ANKRD44: variants seen among roughly 807,000 people sequenced by gnomAD.
ANKRD44 encodes the protein serine/threonine-protein phosphatase 6 regulatory ankyrin repeat subunit B.
Under a neutral mutation model 116.0 loss-of-function variants are expected in ANKRD44, and 35 were observed. That is an observed-to-expected ratio of 0.30 (90% CI 0.23 to 0.40). The LOEUF (loss-of-function observed/expected upper bound fraction) is 0.40. Among genes scored for constraint, ANKRD44 ranks in the 10% least tolerant of loss-of-function variants. ANKRD44 has a pLI of 1.00. For missense variants in ANKRD44, 1,014 were observed against 1,242.6 expected, an observed-to-expected ratio of 0.82 and a Z score of 2.77; for synonymous variants, 435 against 461.8, an observed-to-expected ratio of 0.94 and a Z score of 0.74.
chr2:197,248,287 A>AG (rs758747563), intron 1 of ANKRD44, among the ~76,000 whole-genome samples: 32 of 150,922 alleles, frequency 2.1e-4, no homozygotes, highest in Non-Finnish European at 7.4e-5. Context: ...AAACCTGAAT[A>AG]GAAAAAAAAA....
At chr2:197,248,308 CCCAAGCAAGACGGACTTCT>C (rs1306405214) in intron 1 of ANKRD44, among the ~76,000 whole-genome samples, 1 of 152,022 alleles carries the variant, frequency 6.6e-6, no homozygotes, top group Non-Finnish European at 1.5e-5. Flanking sequence ...GACTGGCCAT[CCCAAGCAAGACGGACTTCT>C]CCAGCAGACT....
At chr2:197,234,462 G>A (rs2081936615) in intron 1 of ANKRD44, among the ~76,000 whole-genome samples, 1 of 152,188 alleles carries the variant, frequency 6.6e-6, no homozygotes, top group East Asian at 1.9e-4. Context: ...ACAGTGCTGG[G>A]ATTACAGGCG....
At chr2:197,088,913 G>A in intron 11 of ANKRD44, 139 bp from the exon 12 acceptor site, 1 of 841,840 alleles carries the variant, frequency 1.2e-6, no homozygotes, top group Admixed American at 3.1e-5. Context: ...GTCAGAAAGA[G>A]GTTGTCATGG....
chr2:196,998,303 G>A (rs763412274), intron 25 of ANKRD44, 34 bp downstream of exon 25: 14 of 1,405,292 alleles, frequency 1.0e-5, no homozygotes, highest in South Asian at 3.5e-5. Flanking sequence ...TTATTATAAC[G>A]TGAAGTAATA....
At chr2:197,001,073 A>C (rs1467193990) in intron 22 of ANKRD44, among the ~76,000 whole-genome samples, 4 of 144,624 alleles carry the variant, frequency 2.8e-5, no homozygotes, top group African/African-American at 1.2e-4. Flanking sequence ...AATCTTTCTG[A>C]CTCTTTTTTA....
chr2:197,185,001 T>C (rs545570240), intron 2 of ANKRD44, among the ~76,000 whole-genome samples: 66 of 152,360 alleles, frequency 4.3e-4, no homozygotes, highest in Non-Finnish European at 8.1e-4. Flanking sequence ...TTTTGGTATG[T>C]ATGACAGAAC....
chr2:196,992,221 T>C (rs1407862584), intron 27 of ANKRD44, among the ~76,000 whole-genome samples: 1 of 152,208 alleles, frequency 6.6e-6, no homozygotes, highest in East Asian at 1.9e-4. Flanking sequence ...CAATGAAACT[T>C]AACGTTTTGT....
At chr2:197,139,045 G>A (rs1199938378) in intron 3 of ANKRD44, among the ~76,000 whole-genome samples, 2 of 152,244 alleles carry the variant, frequency 1.3e-5, no homozygotes, top group East Asian at 3.9e-4. Flanking sequence ...TTTGGCAAGG[G>A]TATGGAGCAA....
chr2:197,127,745 T>C (rs2079008790), intron 4 of ANKRD44, among the ~76,000 whole-genome samples: 1 of 152,192 alleles, frequency 6.6e-6, no homozygotes, highest in Admixed American at 6.5e-5. Flanking sequence ...GTATGGTGGT[T>C]TGCTGCACAG....
rs979814644 is a variant in ANKRD44, at chr2:196,987,762, CTTGTAG to C, written c.*1823_*1828del. 4.0e-5 allele frequency: 39 copies of C among 985,336 alleles called. No homozygotes were observed. In the South Asian group the frequency reaches 5.2e-4, roughly 13 times the overall value. The allele number at this position is 985,336 out of a possible 1,614,324, so 61.0% of individuals were successfully genotyped here. A position where few individuals can be genotyped will look rare whatever the true frequency, so the allele number is the denominator to read the frequency against. Reference sequence around the variant, plus strand: ...TAAGTAAGTGCAATGAAACATGATCCTTGTAGTTGTGGTTAAAATACAGTCTAAAAA... The same window carrying C: ...TAAGTAAGTGCAATGAAACATGATCCTTGTGGTTAAAATACAGTCTAAAAA... On this transcript the variant is annotated 3_prime_UTR_variant, in exon 28 of 28. Transcript: ENST00000282272.
chr2:197,214,101 C>G (rs975985521), intron 1 of ANKRD44, among the ~76,000 whole-genome samples: 1 of 152,040 alleles, frequency 6.6e-6, no homozygotes, highest in South Asian at 2.1e-4. Flanking sequence ...ATATTCTTTA[C>G]CCCCATAATT....
intron 9 of ANKRD44, among the ~76,000 whole-genome samples, chr2:197,101,327 C>A (rs1254262224): frequency 6.6e-6 from 1 of 151,688 alleles, no homozygotes; most frequent in Non-Finnish European, 1.5e-5. Flanking sequence ...CTTTTGGTTT[C>A]TTCATTATTA....
chr2:197,108,650 C>A (rs1439747686), intron 9 of ANKRD44, among the ~76,000 whole-genome samples: 1 of 152,022 alleles, frequency 6.6e-6, no homozygotes, highest in Admixed American at 6.6e-5. Flanking sequence ...CCAGCCTGGT[C>A]AACACATGGC....
At chr2:197,108,837 T>TAAAAA (rs2078496052) in intron 9 of ANKRD44, among the ~76,000 whole-genome samples, 3 of 96,348 alleles carry the variant, frequency 3.1e-5, no homozygotes, top group African/African-American at 1.0e-4. Flanking sequence ...GAAAGTGTCT[T>TAAAAA]AAAAAACAAC....
At chr2:196,983,471 T>C (rs1445271525), downstream of ANKRD44, among the ~76,000 whole-genome samples, 2 of 152,194 alleles carry the variant, frequency 1.3e-5, no homozygotes, top group African/African-American at 4.8e-5. Flanking sequence ...CCCTAGAATG[T>C]TCTCTCCTCT....
chr2:196,970,548 C>A (rs1472717436), intron 21 of ANKRD44, among the ~76,000 whole-genome samples: 1 of 152,094 alleles, frequency 6.6e-6, no homozygotes, highest in Non-Finnish European at 1.5e-5. Context: ...ACTGGTTCTA[C>A]TGAACAGTAT....
chr2:197,069,202 A>T (rs952782222), intron 16 of ANKRD44, among the ~76,000 whole-genome samples: 2 of 152,178 alleles, frequency 1.3e-5, no homozygotes, highest in African/African-American at 4.8e-5. Flanking sequence ...ACAAGGAGAA[A>T]AAAACCAAAC....
intron 1 of ANKRD44, among the ~76,000 whole-genome samples, chr2:197,213,541 T>G (rs1453053557): frequency 6.6e-6 from 1 of 152,236 alleles, no homozygotes; most frequent in Non-Finnish European, 1.5e-5. Context: ...AGCAAAGCAC[T>G]GATAAATATT....
intron 1 of ANKRD44, among the ~76,000 whole-genome samples, chr2:197,234,015 T>G (rs2081924917): frequency 6.6e-6 from 1 of 152,166 alleles, no homozygotes; most frequent in Non-Finnish European, 1.5e-5. Flanking sequence ...TCTCGTTAAC[T>G]GTTCTTAACA....
Sources: gnomAD v4.1 joint callset for allele counts (sites outside exome capture counted in the v4.1 genomes callset) on GRCh38, gnomAD v4.1.1 for gene constraint, MANE v1.5 for transcripts, NCBI Gene and HGNC (gene_info 2026-07-23, HGNC 2026-07-21) for gene names.